Variants in KCNC2 observed in about 807,000 individuals in gnomAD.
KCNC2 encodes the protein voltage-gated potassium channel KCNC2.
Under a neutral mutation model 44.5 loss-of-function variants are expected in KCNC2, and 21 were observed. That is an observed-to-expected ratio of 0.47 (90% CI 0.33 to 0.68). KCNC2 has a LOEUF of 0.68. KCNC2 is among the 30% of genes least tolerant of loss of function. KCNC2 has a pLI of 0.01. For synonymous variants in KCNC2, 391 were observed against 339.1 expected (o/e 1.15, Z -1.68); for missense variants, 589 against 826.2 (o/e 0.71, Z 3.52).
At chr12:75,091,617 T>C (rs1015660480) in intron 2 of KCNC2, among the ~76,000 whole-genome samples, 2 of 151,756 alleles carry the variant, frequency 1.3e-5, no homozygotes, top group Admixed American at 6.6e-5. Flanking sequence ...CTCTCTGCGA[T>C]GCAAAATAGG....
chr12:75,160,903 C>T (rs1473246644), intron 2 of KCNC2, among the ~76,000 whole-genome samples: 1 of 151,718 alleles, frequency 6.6e-6, no homozygotes. Flanking sequence ...GATCTTAAAT[C>T]TTCAAAATCT....
chr12:75,207,335 C>A lies in KCNC2; in HGVS notation c.649G>T (p.Ala217Ser). The A allele has an allele frequency of 6.4e-7, 1 of 1,570,084 alleles. No homozygotes were observed. Among genetic ancestry groups the A allele is most frequent in the Non-Finnish European group, 8.6e-7 (1 of 1,159,756 alleles). ...GACGAGTAGGGGTCTTCGAAGAGGGCCCACATGCGGGGCTGCAGCCTCCTC... is the reference window on the plus strand; with the variant it reads ...GACGAGTAGGGGTCTTCGAAGAGGGACCACATGCGGGGCTGCAGCCTCCTC... ...RWRRLQPRMW[A>S]LFEDPYSSRA... Residue 217 changes from alanine (A) to serine (S), a missense_variant, in exon 2 of 5, where the codon GCC (alanine) becomes TCC (serine). Transcript: ENST00000549446. The surrounding 1 kb of genome is among the most constrained non-coding windows in gnomAD (Gnocchi z 4.1).
chr12:75,067,424 A>G (rs1882940839), intron 2 of KCNC2, among the ~76,000 whole-genome samples: 2 of 152,188 alleles, frequency 1.3e-5, no homozygotes, highest in African/African-American at 4.8e-5. Context: ...CATATATTCA[A>G]CCAACACTTA....
At chr12:75,153,915 G>A (rs758426426) in intron 2 of KCNC2, among the ~76,000 whole-genome samples, 5 of 151,778 alleles carry the variant, frequency 3.3e-5, no homozygotes, top group Non-Finnish European at 5.9e-5. Flanking sequence ...CTTGTCTCAG[G>A]GATGGCAGAG....
At chr12:75,043,626 A>G in intron 4 of KCNC2, 1 of 1,247,884 alleles carries the variant, frequency 8.0e-7, no homozygotes, top group South Asian at 2.7e-5. Flanking sequence ...AAGAGAAATA[A>G]GTAGGCTACT....
chr12:75,144,463 T>TA (rs1889872828), intron 2 of KCNC2, among the ~76,000 whole-genome samples: 1 of 152,158 alleles, frequency 6.6e-6, no homozygotes, highest in African/African-American at 2.4e-5. Context: ...TATGCTTGTA[T>TA]AGGCAAGTGT....
intron 2 of KCNC2, among the ~76,000 whole-genome samples, chr12:75,067,405 T>C (rs1444097295): frequency 1.3e-5 from 2 of 152,134 alleles, no homozygotes; most frequent in Admixed American, 6.6e-5. Context: ...GTTTAAAAAA[T>C]TCATTGTACA....
Position 75,042,416 on chromosome 12 carries a change from C to A in KCNC2, c.*689G>T. The A allele has an allele frequency of 6.3e-7, 1 of 1,585,080 alleles. No homozygotes were observed. The highest frequency in any genetic ancestry group is 1.2e-5 in the South Asian group (1 of 86,714). On this transcript the variant is annotated 3_prime_UTR_variant, in exon 5 of 5. Coordinates refer to ENST00000549446, the MANE Select transcript of KCNC2 (RefSeq NM_139137.4). ...AGAGACATTCAGAACTCCAATACAG[C>A]ATTTTTGAAGAAAAGTAAATCAATC...
In KCNC2 at chr12:75,207,901, G is replaced by A. The variant is rs1240169597; in HGVS notation, c.83C>T (p.Thr28Ile). Residue 28 changes from threonine (T) to isoleucine (I), a missense_variant, in exon 2 of 5, where the codon ACC becomes ATC. By Grantham distance (89) the Thr-to-Ile change is moderately conservative. Transcript: ENST00000549446. This position sits in a 1 kb window ranked among gnomAD's most constrained non-coding sequence, Gnocchi z 4.1. ...RHETYRSTLKTLPGTRLALLA... is the reference protein window; with the variant it reads ...RHETYRSTLKILPGTRLALLA... ...AAGGGCCAGGCGTGTTCCAGGCAGG[G>A]TCTTGAGGGTGCTGCGGTAGGTTTC... The A allele has an allele frequency of 6.2e-7, 1 of 1,612,920 alleles. No homozygotes were observed. The highest frequency in any genetic ancestry group is 2.2e-5 in the East Asian group (1 of 44,810).
At position 75,051,015 on chromosome 12, in the gene KCNC2, C is replaced by A. The variant is rs201237451; in HGVS notation, c.990G>T (p.Val330=). The part of the protein sequence containing the change: ...FVAILPFYLE[V]GLSGLSSKAA... ...CTTTGGATGACAGCCCACTGAGTCC[C>A]ACCTCTAAGTAGAAAGGTAGGATGG... Residue 330 remains valine (V), a synonymous_variant, in exon 3 of 5, where the codon GTG becomes GTT. Transcript: ENST00000549446. 1.2e-6 allele frequency: 2 copies of A among 1,613,736 alleles called. No homozygotes were observed. Among genetic ancestry groups the A allele is most frequent in the South Asian group, 1.1e-5 (1 of 91,080 alleles).
chr12:75,170,350 T>C (rs1298961324), intron 2 of KCNC2, among the ~76,000 whole-genome samples: 2 of 151,674 alleles, frequency 1.3e-5, no homozygotes, highest in African/African-American at 4.8e-5. Context: ...CTTTTTCAAA[T>C]GTACCAAGAG....
intron 2 of KCNC2, among the ~76,000 whole-genome samples, chr12:75,141,348 C>A (rs549977557): frequency 6.6e-6 from 1 of 152,258 alleles, no homozygotes; most frequent in South Asian, 2.1e-4. Context: ...ATTAGATTAT[C>A]TTGAGGATTA....
intron 4 of KCNC2, among the ~76,000 whole-genome samples, chr12:75,047,238 G>A (rs190010436): frequency 9.4e-4 from 143 of 152,074 alleles, no homozygotes; most frequent in African/African-American, 3.2e-3. Flanking sequence ...TTTGACAAAA[G>A]TGGGTTATAA....
chr12:75,166,923 C>A (rs969362221), intron 2 of KCNC2, among the ~76,000 whole-genome samples: 1 of 150,922 alleles, frequency 6.6e-6, no homozygotes, highest in Non-Finnish European at 1.5e-5. Context: ...CCAAAGCAGG[C>A]AGAAGAAAGA....
At chr12:75,204,833 C>T (rs1406982241) in intron 2 of KCNC2, among the ~76,000 whole-genome samples, 3 of 151,688 alleles carry the variant, frequency 2.0e-5, no homozygotes, top group Non-Finnish European at 4.4e-5. Flanking sequence ...TTCAGCCAAC[C>T]CCTAGGAATT....
chr12:75,121,702 C>T (rs930948350), intron 2 of KCNC2, among the ~76,000 whole-genome samples: 13 of 152,124 alleles, frequency 8.5e-5, no homozygotes, highest in African/African-American at 3.1e-4. Flanking sequence ...TTTGAAATTT[C>T]CTATGGAATA....
At position 75,195,637 on chromosome 12, in the gene KCNC2, A is replaced by G. The variant is rs144654805; in HGVS notation, c.687+11660T>C. 4.6e-5 allele frequency among the ~76,000 whole-genome samples: 7 copies of G among 152,156 alleles called. No individual in the cohort carries two copies. In the East Asian group the frequency reaches 1.2e-3, roughly 25 times the overall value. ...ATTCCTCTTGCTGCTGTCTTATTTC[A>G]AGGTTCAATGTTGTCTCCTACCACC... On this transcript the variant is annotated intron_variant, in intron 2 of 4. Coordinates refer to ENST00000549446, the MANE Select transcript of KCNC2 (RefSeq NM_139137.4).
chr12:75,086,110 T>A (rs1884972170), intron 2 of KCNC2, among the ~76,000 whole-genome samples: 1 of 152,034 alleles, frequency 6.6e-6, no homozygotes, highest in South Asian at 2.1e-4. Context: ...TAGGAAATAT[T>A]TAAAATGTAG....
In KCNC2 at chr12:75,207,108, C is replaced by T. The variant is rs1486867889; in HGVS notation, c.687+189G>A. Among the ~76,000 whole-genome samples the T allele has an allele frequency of 6.6e-6, 1 of 152,154 alleles. No homozygotes were observed. Among genetic ancestry groups the T allele is most frequent in the Non-Finnish European group, 1.5e-5 (1 of 68,028 alleles). ...GAAGAGGAGGAGGAGAAAGATGGGA[C>T]TGGGTAGGGATGGTGGCCGGGGTCC... On this transcript the variant is annotated intron_variant, in intron 2 of 4. Transcript: ENST00000549446. This position sits in a 1 kb window ranked among gnomAD's most constrained non-coding sequence, Gnocchi z 4.1.
Sources: allele counts gnomAD v4.1 joint callset (sites outside exome capture counted in the v4.1 genomes callset), GRCh38; gene constraint gnomAD v4.1.1; non-coding constraint Gnocchi (gnomAD v3.1); transcripts MANE v1.5; gene names NCBI Gene and HGNC (gene_info 2026-07-23, HGNC 2026-07-21).